The following SLC35F2 variants were observed in gnomAD, a reference collection of about 807,000 sequenced individuals.
SLC35F2 encodes queuine/queuosine transporter SLC35F2.
A neutral mutation model predicts 38.1 loss-of-function variants in SLC35F2; 25 were observed. That is an observed-to-expected ratio of 0.66 (90% CI 0.48 to 0.92). SLC35F2 has a LOEUF of 0.92. Among genes scored for constraint, SLC35F2 ranks in the 40% least tolerant of loss-of-function variants. The probability of loss-of-function intolerance (pLI) is 0.00; values close to 1 mark genes in which losing one functional copy is unlikely to be tolerated. For synonymous variants in SLC35F2, 173 were observed against 181.7 expected (o/e 0.95, Z 0.38); for missense variants, 409 against 452.9 (o/e 0.90, Z 0.88).
At chr11:107,812,185 C>T (rs185498568) in intron 2 of SLC35F2, among the ~76,000 whole-genome samples, 125 of 152,256 alleles carry the variant, frequency 8.2e-4, no homozygotes, top group Middle Eastern at 6.8e-3. Context: ...GGATTTCAGG[C>T]GTGAGCTACC....
intron 1 of SLC35F2, among the ~76,000 whole-genome samples, chr11:107,818,645 G>T (rs189832959): frequency 3.9e-5 from 6 of 152,154 alleles, no homozygotes; most frequent in Admixed American, 3.9e-4. Flanking sequence ...GGTTTGAGAG[G>T]GCCATCCATA....
intron 1 of SLC35F2, among the ~76,000 whole-genome samples, chr11:107,826,278 C>CT (rs35417276): frequency 0.13 from 19,112 of 144,010 alleles, 2,865 homozygotes; most frequent in African/African-American, 0.37. Flanking sequence ...AAAGATAAAA[C>CT]TTTTTTTTTT....
At chr11:107,794,359 G>A (rs749593111) in intron 7 of SLC35F2, among the ~76,000 whole-genome samples, 4 of 152,110 alleles carry the variant, frequency 2.6e-5, no homozygotes, top group South Asian at 2.1e-4. Context: ...GATTACAGGC[G>A]TGAGCTACCA....
intron 7 of SLC35F2, among the ~76,000 whole-genome samples, chr11:107,802,259 A>AATAAATAAATAAATAAAT (rs1316212280): frequency 1.3e-5 from 2 of 151,690 alleles, no homozygotes; most frequent in African/African-American, 4.9e-5. Context: ...ATAAATAATA[A>AATAAATAAATAAATAAAT]AATAAAATAA....
intron 1 of SLC35F2, among the ~76,000 whole-genome samples, chr11:107,844,579 C>G (rs3132848): frequency 0.99 from 149,094 of 150,890 alleles, 73,656 homozygotes; most frequent in East Asian, 1. Flanking sequence ...CTGAGATCGC[C>G]CCACTGCACT....
In SLC35F2 at chr11:107,791,916, C is replaced by T. The variant is rs1234344882; in HGVS notation, c.*699G>A. The T allele has an allele frequency of 6.6e-6, 1 of 152,062 alleles. No individual in the cohort carries two copies. Among genetic ancestry groups the T allele is most frequent in the African/African-American group, 2.4e-5 (1 of 41,378 alleles). The allele number at this position is 152,062 out of a possible 1,614,324, so 9.4% of individuals were successfully genotyped here. On this transcript the variant is annotated 3_prime_UTR_variant, in exon 8 of 8. Coordinates refer to ENST00000525815, the MANE Select transcript of SLC35F2 (RefSeq NM_017515.5). ...TAATCCCAGCTACTAACACTTGAAT[C>T]CAGGAGGCAGAGGTTACAGTAAGCT...
At chr11:107,831,934 A>C (rs987187518) in intron 1 of SLC35F2, among the ~76,000 whole-genome samples, 1 of 152,224 alleles carries the variant, frequency 6.6e-6, no homozygotes, top group Non-Finnish European at 1.5e-5. Flanking sequence ...CCACAGTCTC[A>C]CTATTTAATG....
At chr11:107,800,902 A>AT (rs1859297310) in intron 7 of SLC35F2, among the ~76,000 whole-genome samples, 2 of 112,474 alleles carry the variant, frequency 1.8e-5, no homozygotes, top group African/African-American at 9.2e-5. Context: ...AGCTATTACT[A>AT]CTTTTTTTTT....
Position 107,792,533 on chromosome 11 carries a change from C to G in SLC35F2, c.*82G>C. On this transcript the variant is annotated 3_prime_UTR_variant, in exon 8 of 8. Transcript: ENST00000525815. ...GGGTTGTAGAGTGTCCATTCTGAGT[C>G]TGCTATTTCCCCAAGTGTCCCCTCA... 1 of 1,468,858 alleles carries G rather than the reference C, an allele frequency of 6.8e-7. No homozygotes were observed. Among genetic ancestry groups the G allele is most frequent in the Non-Finnish European group, 9.1e-7 (1 of 1,098,062 alleles). The allele number at this position is 1,468,858 out of a possible 1,614,324, so 91.0% of individuals were successfully genotyped here.
At chr11:107,795,802 A>G (rs1213514498) in intron 7 of SLC35F2, among the ~76,000 whole-genome samples, 2 of 152,208 alleles carry the variant, frequency 1.3e-5, no homozygotes, top group African/African-American at 4.8e-5. Context: ...CTATTATTAA[A>G]AAGTCAAAAA....
In SLC35F2 at chr11:107,792,446, AT is replaced by A. The variant is rs1859148896; in HGVS notation, c.*168del. On this transcript the variant is annotated 3_prime_UTR_variant, in exon 8 of 8. Coordinates refer to ENST00000525815, the MANE Select transcript of SLC35F2 (RefSeq NM_017515.5). Reference sequence around the variant, plus strand: ...AGCTTGGTTTCTGCTCTATTTTGGTATTTCTACTTTTGAACTTTGTTCAGTG... The same window carrying A: ...AGCTTGGTTTCTGCTCTATTTTGGTATTCTACTTTTGAACTTTGTTCAGTG... 5 of 710,326 alleles carry A rather than the reference AT, an allele frequency of 7.0e-6. No individual in the cohort carries two copies. The highest frequency in any genetic ancestry group is 1.1e-5 in the Non-Finnish European group (5 of 456,864). 44.0% of individuals were successfully genotyped at this position (710,326 alleles called of 1,614,324 possible).
At chr11:107,827,635 G>C (rs1215418488) in intron 1 of SLC35F2, among the ~76,000 whole-genome samples, 1 of 152,050 alleles carries the variant, frequency 6.6e-6, no homozygotes, top group Admixed American at 6.6e-5. Context: ...TGTAATCCCA[G>C]CTACTCGGAA....
At chr11:107,856,894 G>GGGAAGGAAGGAAGGAA (rs1329613419) in intron 1 of SLC35F2, among the ~76,000 whole-genome samples, 7 of 97,940 alleles carry the variant, frequency 7.1e-5, no homozygotes, top group African/African-American at 2.8e-4. Context: ...AAGGGAGGGA[G>GGGAAGGAAGGAAGGAA]GGAAGGAAGG....
intron 7 of SLC35F2, among the ~76,000 whole-genome samples, chr11:107,802,478 G>A (rs1859324782): frequency 6.6e-6 from 1 of 152,128 alleles, no homozygotes; most frequent in Admixed American, 6.5e-5. Flanking sequence ...TGATGATGTG[G>A]ATAGAAAAAG....
At chr11:107,797,949 T>G (rs1190463761) in intron 7 of SLC35F2, among the ~76,000 whole-genome samples, 3 of 152,168 alleles carry the variant, frequency 2.0e-5, no homozygotes, top group Non-Finnish European at 2.9e-5. Context: ...AAGTTAGAGC[T>G]GTTTGGAGTA....
At chr11:107,800,348 T>A (rs1375657648) in intron 7 of SLC35F2, among the ~76,000 whole-genome samples, 1 of 152,148 alleles carries the variant, frequency 6.6e-6, no homozygotes, top group African/African-American at 2.4e-5. Flanking sequence ...TTTCTGAGAA[T>A]CCACTGAGCT....
chr11:107,794,151 G>T (rs1434431646), intron 7 of SLC35F2, among the ~76,000 whole-genome samples: 1 of 149,486 alleles, frequency 6.7e-6, no homozygotes. Context: ...CGCAATCTTG[G>T]CTCACTGCAA....
At chr11:107,794,382 A>C (rs960514373) in intron 7 of SLC35F2, among the ~76,000 whole-genome samples, 2 of 152,142 alleles carry the variant, frequency 1.3e-5, no homozygotes, top group African/African-American at 4.8e-5. Context: ...CCTGGCCATC[A>C]GTATGTATGT....
In SLC35F2 at chr11:107,834,137, G is replaced by A. The variant is rs117327378; in HGVS notation, c.111-18172C>T. On this transcript the variant is annotated intron_variant, in intron 1 of 7. Coordinates refer to ENST00000525815, the MANE Select transcript of SLC35F2 (RefSeq NM_017515.5). ...CTACTTACACAGGTTAACTCCTTGCGGAAGGGGATTGGGTAAGGAGCCCTT... is the reference window on the plus strand; with the variant it reads ...CTACTTACACAGGTTAACTCCTTGCAGAAGGGGATTGGGTAAGGAGCCCTT... Among the ~76,000 whole-genome samples, 583 of 152,254 alleles carry A rather than the reference G, an allele frequency of 3.8e-3. 4 individuals are homozygous for A. Among genetic ancestry groups the A allele is most frequent in the Non-Finnish European group, 5.9e-3 (402 of 68,036 alleles).
Sources: allele counts gnomAD v4.1 joint callset (sites outside exome capture counted in the v4.1 genomes callset), GRCh38; gene constraint gnomAD v4.1.1; transcripts MANE v1.5; gene names NCBI Gene and HGNC (gene_info 2026-07-23, HGNC 2026-07-21).